TMEM132C: variants seen among roughly 807,000 people sequenced by gnomAD.
TMEM132C encodes protein phosphatase 1, regulatory subunit 152.
A neutral mutation model predicts 61.4 loss-of-function variants in TMEM132C; 29 were observed. The observed-to-expected ratio is 0.47, with a 90% CI of 0.35 to 0.64. The LOEUF (loss-of-function observed/expected upper bound fraction) is 0.64, where lower values mean the gene tolerates loss of function less well. Ranked by LOEUF, TMEM132C falls within the 30% of genes least tolerant of loss-of-function variation. The pLI is 0.00. For missense variants in TMEM132C, 1,408 were observed against 1,476.9 expected, an observed-to-expected ratio of 0.95 and a Z score of 0.76; for synonymous variants, 656 against 633.1, an observed-to-expected ratio of 1.04 and a Z score of -0.54.
chr12:128,622,400 T>TATATATATAA (rs1349334213), intron 4 of TMEM132C, among the ~76,000 whole-genome samples: 2 of 117,332 alleles, frequency 1.7e-5, no homozygotes, highest in South Asian at 3.0e-4. Context: ...TATATATATA[T>TATATATATAA]AACCAGGAAA....
At chr12:128,487,555 T>G (rs960911515) in intron 2 of TMEM132C, among the ~76,000 whole-genome samples, 1 of 151,430 alleles carries the variant, frequency 6.6e-6, no homozygotes, top group Non-Finnish European at 1.5e-5. Context: ...AGATCTTAAG[T>G]GCCCCATGTA....
At chr12:128,367,221 G>C (rs769312950) in intron 1 of TMEM132C, among the ~76,000 whole-genome samples, 1 of 152,210 alleles carries the variant, frequency 6.6e-6, no homozygotes, top group Non-Finnish European at 1.5e-5. Flanking sequence ...GGAAGGCCAG[G>C]TCTGGATCAC....
chr12:128,678,445 G>A (rs1356580202), intron 5 of TMEM132C, among the ~76,000 whole-genome samples: 1 of 152,184 alleles, frequency 6.6e-6, no homozygotes, highest in African/African-American at 2.4e-5. Flanking sequence ...ATGCTTAAGA[G>A]CTTGAACTCT....
intron 2 of TMEM132C, among the ~76,000 whole-genome samples, chr12:128,504,467 C>T (rs1426882248): frequency 6.6e-6 from 1 of 152,160 alleles, no homozygotes; most frequent in Non-Finnish European, 1.5e-5. Context: ...GCTCAGGCTG[C>T]CATAAGATGA....
At chr12:128,560,746 T>G (rs1427614149) in intron 3 of TMEM132C, among the ~76,000 whole-genome samples, 1 of 152,226 alleles carries the variant, frequency 6.6e-6, no homozygotes, top group Non-Finnish European at 1.5e-5. Context: ...GGGATGGAAA[T>G]ATTTGCTGCA....
chr12:128,341,349 A>C (rs1236014391), intron 1 of TMEM132C, among the ~76,000 whole-genome samples: 1 of 152,208 alleles, frequency 6.6e-6, no homozygotes, highest in South Asian at 2.1e-4. Context: ...CTCAGTAAGT[A>C]TTTTAATTTG....
intron 2 of TMEM132C, among the ~76,000 whole-genome samples, chr12:128,498,877 C>T (rs1872061118): frequency 6.6e-6 from 1 of 152,034 alleles, no homozygotes; most frequent in Non-Finnish European, 1.5e-5. Flanking sequence ...AAAAGAAGAT[C>T]TGAATAAATG....
chr12:128,694,880 C>T (rs1422339636), intron 6 of TMEM132C, among the ~76,000 whole-genome samples: 1 of 152,250 alleles, frequency 6.6e-6, no homozygotes, highest in Non-Finnish European at 1.5e-5. Flanking sequence ...AGAATTAAGA[C>T]TCCCTGGGCT....
chr12:128,505,592 G>A (rs138687621), intron 2 of TMEM132C, among the ~76,000 whole-genome samples: 28 of 152,280 alleles, frequency 1.8e-4, no homozygotes, highest in African/African-American at 6.3e-4. Context: ...TAAAAATAGC[G>A]TGATATGTAA....
intron 1 of TMEM132C, among the ~76,000 whole-genome samples, chr12:128,333,103 C>T (rs926199649): frequency 1.6e-4 from 24 of 151,168 alleles, no homozygotes; most frequent in East Asian, 1.9e-4. Context: ...GTTGTATGAA[C>T]GCTGTGTGTT....
intron 1 of TMEM132C, among the ~76,000 whole-genome samples, chr12:128,296,196 C>T (rs1005410351): frequency 2.6e-5 from 4 of 152,276 alleles, no homozygotes; most frequent in African/African-American, 9.6e-5. Flanking sequence ...CCTGAGTTTC[C>T]CAATCATTGG....
chr12:128,611,897 C>G (rs1001062305), intron 3 of TMEM132C, among the ~76,000 whole-genome samples: 5 of 152,166 alleles, frequency 3.3e-5, no homozygotes, highest in African/African-American at 4.8e-5. Flanking sequence ...GCGGAACCAG[C>G]GACACCAAAT....
chr12:128,638,308 T>C (rs144514706), intron 4 of TMEM132C, among the ~76,000 whole-genome samples: 3 of 152,292 alleles, frequency 2.0e-5, no homozygotes, highest in South Asian at 2.1e-4. Flanking sequence ...CAAAATAGGA[T>C]TGTGTAATCC....
chr12:128,658,953 G>A (rs1450344862), intron 4 of TMEM132C, among the ~76,000 whole-genome samples: 1 of 152,182 alleles, frequency 6.6e-6, no homozygotes, highest in Non-Finnish European at 1.5e-5. Flanking sequence ...AAAGCAATAA[G>A]GACAGGAGTT....
intron 2 of TMEM132C, among the ~76,000 whole-genome samples, chr12:128,531,725 C>A (rs1221877391): frequency 1.3e-5 from 2 of 152,172 alleles, no homozygotes; most frequent in East Asian, 3.9e-4. Context: ...GCCTCTACTC[C>A]TTTTGACAGG....
chr12:128,590,276 A>C (rs1875705045), intron 3 of TMEM132C, among the ~76,000 whole-genome samples: 1 of 152,236 alleles, frequency 6.6e-6, no homozygotes, highest in Non-Finnish European at 1.5e-5. Flanking sequence ...AGAGCTTACT[A>C]CTGCCTGTTA....
chr12:128,292,416 T>C (rs1871272125), intron 1 of TMEM132C, among the ~76,000 whole-genome samples: 1 of 152,168 alleles, frequency 6.6e-6, no homozygotes, highest in African/African-American at 2.4e-5. Flanking sequence ...TTGTAAGAAA[T>C]GGGTTTGTCA....
rs1182578605 is a variant in TMEM132C, at chr12:128,326,622, G to A, written c.85+59135G>A. Among the ~76,000 whole-genome samples, 1 of 152,120 alleles carries A rather than the reference G, an allele frequency of 6.6e-6. No homozygotes were observed. Among genetic ancestry groups the A allele is most frequent in the Non-Finnish European group, 1.5e-5 (1 of 68,028 alleles). ...TGGAGACAGCTCCTGCAAAGCCCCA[G>A]GATTACAGCGTGGGTAATTAGACTG... On this transcript the variant is annotated intron_variant, in intron 1 of 8. Coordinates refer to ENST00000435159, the MANE Select transcript of TMEM132C (RefSeq NM_001136103.3). This position sits in a 1 kb window ranked among gnomAD's most constrained non-coding sequence, Gnocchi z 5.6.
At chr12:128,509,302 C>T (rs942518585) in intron 2 of TMEM132C, among the ~76,000 whole-genome samples, 8 of 151,282 alleles carry the variant, frequency 5.3e-5, no homozygotes, top group African/African-American at 9.7e-5. Context: ...AAAGAGCGGG[C>T]GGGAGGGGAA....
Sources: gnomAD v4.1 joint callset for allele counts (sites outside exome capture counted in the v4.1 genomes callset) on GRCh38, gnomAD v4.1.1 for gene constraint, Gnocchi (gnomAD v3.1) non-coding constraint, MANE v1.5 for transcripts, NCBI Gene and HGNC (gene_info 2026-07-23, HGNC 2026-07-21) for gene names.